The following ASAP1 variants were observed in gnomAD, a reference collection of about 807,000 sequenced individuals.
ASAP1 encodes arf-GAP with SH3 domain, ANK repeat and PH domain-containing protein 1.
In ASAP1, 43 loss-of-function variants were observed where a neutral mutation model predicts 145.2. The observed-to-expected ratio is 0.30, with a 90% CI of 0.23 to 0.38. The LOEUF (loss-of-function observed/expected upper bound fraction) is 0.38, where lower values mean the gene tolerates loss of function less well. Ranked by LOEUF, ASAP1 falls within the 10% of genes least tolerant of loss-of-function variation. ASAP1 has a pLI of 1.00. For missense variants in ASAP1, 1,018 were observed against 1,355.3 expected, an observed-to-expected ratio of 0.75 and a Z score of 3.91; for synonymous variants, 546 against 515.5, an observed-to-expected ratio of 1.06 and a Z score of -0.80.
At chr8:130,356,535 C>CA (rs754343028) in intron 3 of ASAP1, among the ~76,000 whole-genome samples, 12 of 148,918 alleles carry the variant, frequency 8.1e-5, no homozygotes, top group Non-Finnish European at 1.3e-4. Context: ...TTCACAAAGA[C>CA]AAAAAAAAAG....
intron 13 of ASAP1, among the ~76,000 whole-genome samples, chr8:130,141,027 T>C (rs144371825): frequency 6.6e-6 from 1 of 152,336 alleles, no homozygotes; most frequent in East Asian, 1.9e-4. Context: ...TATAGGTATA[T>C]TGATTGGAGA....
At chr8:130,312,615 G>A (rs1823426845) in intron 3 of ASAP1, among the ~76,000 whole-genome samples, 2 of 152,106 alleles carry the variant, frequency 1.3e-5, no homozygotes, top group South Asian at 2.1e-4. Context: ...AACCATTACA[G>A]GTGGGTACTA....
intron 12 of ASAP1, among the ~76,000 whole-genome samples, chr8:130,159,500 C>G (rs1232054513): frequency 1.4e-5 from 2 of 146,872 alleles, no homozygotes; most frequent in Non-Finnish European, 3.0e-5. Flanking sequence ...CAGGCGCCTG[C>G]AGTCCCAGCT....
chr8:130,249,374 C>T (rs1397404051), intron 3 of ASAP1, among the ~76,000 whole-genome samples: 1 of 152,160 alleles, frequency 6.6e-6, no homozygotes, highest in Non-Finnish European at 1.5e-5. Context: ...CCTGGTTCTC[C>T]AAGTTCATGA....
chr8:130,227,159 C>A (rs950139799), intron 4 of ASAP1, among the ~76,000 whole-genome samples: 1 of 152,084 alleles, frequency 6.6e-6, no homozygotes, highest in Non-Finnish European at 1.5e-5. Flanking sequence ...TATGTAAAAT[C>A]GAGATAATAA....
intron 1 of ASAP1, among the ~76,000 whole-genome samples, chr8:130,428,615 T>C (rs373921020): frequency 1.4e-5 from 2 of 139,510 alleles, no homozygotes; most frequent in South Asian, 2.4e-4. Flanking sequence ...ACCATCATCA[T>C]CACCACCACC....
chr8:130,348,660 G>A (rs542010076), intron 3 of ASAP1, among the ~76,000 whole-genome samples: 1 of 152,250 alleles, frequency 6.6e-6, no homozygotes, highest in Admixed American at 6.5e-5. Context: ...CTGAAAACAA[G>A]CTATGAAGCA....
chr8:130,393,287 C>T (rs72724487), intron 2 of ASAP1, among the ~76,000 whole-genome samples: 5,243 of 152,278 alleles, frequency 0.034, 125 homozygotes, highest in Middle Eastern at 0.065. Context: ...TGATGGTGAA[C>T]AGTGCTAAAC....
Position 130,081,247 on chromosome 8 carries a change from TG to T in ASAP1, c.2573-1277del, listed in dbSNP as rs530823505. On this transcript the variant is annotated intron_variant, in intron 25 of 29. Transcript: ENST00000518721. The stretch of plus-strand genomic sequence containing the variant: ...AGCAGCAAAACCAGAGGCACACAGG[TG>T]GAGGTAAGTGTGCTATGTCCAGGAG... Among the ~76,000 whole-genome samples the T allele has an allele frequency of 3.2e-4, 49 of 152,110 alleles. 1 individual carries two copies. Among genetic ancestry groups the T allele is most frequent in the Middle Eastern group, 3.4e-3 (1 of 294 alleles).
At chr8:130,054,878 A>G (rs2097400267) in intron 29 of ASAP1, 73 bp from the exon 30 acceptor site, 8 of 1,200,244 alleles carry the variant, frequency 6.7e-6, no homozygotes, top group African/African-American at 6.0e-5. Context: ...AGTGGGTAAG[A>G]GCCCAGCCTA....
chr8:130,198,711 TCAAA>T (rs757189643), intron 5 of ASAP1, among the ~76,000 whole-genome samples: 11 of 152,176 alleles, frequency 7.2e-5, no homozygotes, highest in Non-Finnish European at 1.3e-4. Flanking sequence ...TCGCCCAAGG[TCAAA>T]CAGTGAGTAA....
At chr8:130,056,790 C>T (rs371189969) in intron 29 of ASAP1, among the ~76,000 whole-genome samples, 2 of 152,192 alleles carry the variant, frequency 1.3e-5, no homozygotes, top group African/African-American at 2.4e-5. Flanking sequence ...CTTGGCAGGA[C>T]GGGGCTCAGG....
At chr8:130,274,168 C>T (rs1004742906) in intron 3 of ASAP1, among the ~76,000 whole-genome samples, 5 of 152,198 alleles carry the variant, frequency 3.3e-5, no homozygotes, top group African/African-American at 9.7e-5. Flanking sequence ...TCCCTGCCTG[C>T]ATTGCTTTCC....
intron 9 of ASAP1, among the ~76,000 whole-genome samples, chr8:130,177,281 T>G (rs895522411): frequency 6.6e-6 from 1 of 152,234 alleles, no homozygotes; most frequent in Non-Finnish European, 1.5e-5. Flanking sequence ...TTACAAAGCA[T>G]CTTCTATTTT....
At chr8:130,084,689 G>C (rs2097488938) in intron 25 of ASAP1, 1 of 152,128 alleles carries the variant, frequency 6.6e-6, no homozygotes, top group South Asian at 2.1e-4. Context: ...TCTTAAGCAA[G>C]TCATTTGACT....
At chr8:130,067,810 T>C (rs2097433670) in intron 27 of ASAP1, among the ~76,000 whole-genome samples, 1 of 152,220 alleles carries the variant, frequency 6.6e-6, no homozygotes, top group African/African-American at 2.4e-5. Flanking sequence ...CTGCGGCATG[T>C]TGTGTATGCT....
chr8:130,110,273 A>G (rs1029571500), intron 24 of ASAP1, among the ~76,000 whole-genome samples: 1 of 151,868 alleles, frequency 6.6e-6, no homozygotes, highest in African/African-American at 2.4e-5. Context: ...CATTTTCAGG[A>G]CTCTCAATGA....
At chr8:130,285,682 C>A (rs1213258288) in intron 3 of ASAP1, among the ~76,000 whole-genome samples, 1 of 152,188 alleles carries the variant, frequency 6.6e-6, no homozygotes, top group Non-Finnish European at 1.5e-5. Flanking sequence ...TAGTGTCAAC[C>A]TGGCATTCAA....
At chr8:130,087,136 T>C (rs531092738) in intron 25 of ASAP1, among the ~76,000 whole-genome samples, 1 of 152,314 alleles carries the variant, frequency 6.6e-6, no homozygotes, top group East Asian at 1.9e-4. Flanking sequence ...CTGTCAGCCA[T>C]GGCTACTCTG....
Sources: gnomAD v4.1 joint callset for allele counts (sites outside exome capture counted in the v4.1 genomes callset) on GRCh38, gnomAD v4.1.1 for gene constraint, MANE v1.5 for transcripts, NCBI Gene and HGNC (gene_info 2026-07-23, HGNC 2026-07-21) for gene names.